AGPAT4: variants seen among roughly 807,000 people sequenced by gnomAD.
AGPAT4 encodes 1-acylglycerol-3-phosphate O-acyltransferase 4.
In AGPAT4, 15 loss-of-function variants were observed where a neutral mutation model predicts 48.0. The ratio of observed to expected loss-of-function variants is 0.31; its 90% CI spans 0.21 to 0.48. The LOEUF is 0.48. Among genes scored for constraint, AGPAT4 ranks in the 20% least tolerant of loss-of-function variants. The pLI is 0.99. For missense variants in AGPAT4, 314 were observed against 482.5 expected (o/e 0.65, Z 3.27); for synonymous variants, 178 against 198.7 (o/e 0.90, Z 0.88).
Position 161,142,661 on chromosome 6 carries a change from C to T in AGPAT4, c.844-3041G>A, listed in dbSNP as rs1237009792. 1.2e-4 allele frequency among the ~76,000 whole-genome samples: 18 copies of T among 152,052 alleles called. No individual in the cohort carries two copies. Among genetic ancestry groups the T allele is most frequent in the East Asian group, 3.9e-4 (2 of 5,178 alleles). ...GGAGAAGAAAGAAGGGAGAAAAGAA[C>T]GGGAGGAAGAACAGGAAAGAACGAA... On this transcript the variant is annotated intron_variant, in intron 7 of 8. Coordinates refer to ENST00000320285, the MANE Select transcript of AGPAT4 (RefSeq NM_020133.3). The surrounding 1 kb of genome is among the most constrained non-coding windows in gnomAD (Gnocchi z 6.4).
rs1195252549 is a variant in AGPAT4 at position 161,141,262 on chromosome 6, T to G, written c.844-1642A>C. ...TCCGAAGCGTCACTTGTCGCGTGAC[T>G]CTGCTGTTGGACATCAGCCAAGAGA... On this transcript the variant is annotated intron_variant, in intron 7 of 8. Coordinates refer to ENST00000320285, the MANE Select transcript of AGPAT4 (RefSeq NM_020133.3). This position sits in a 1 kb window ranked among gnomAD's most constrained non-coding sequence, Gnocchi z 6.7. Among the ~76,000 whole-genome samples the G allele has an allele frequency of 6.6e-6, 1 of 152,124 alleles. No individual in the cohort carries two copies. Among genetic ancestry groups the G allele is most frequent in the Non-Finnish European group, 1.5e-5 (1 of 68,036 alleles).
intron 1 of AGPAT4, among the ~76,000 whole-genome samples, chr6:161,257,499 T>A (rs931496915): frequency 1.3e-5 from 2 of 152,170 alleles, no homozygotes; most frequent in African/African-American, 4.8e-5. Flanking sequence ...ATTTTGGTGA[T>A]GGTTACACAA....
rs1345528397 is a variant in AGPAT4 at position 161,254,408 on chromosome 6, G to T, written c.-90+19530C>A. On this transcript the variant is annotated intron_variant, in intron 1 of 8. Coordinates refer to ENST00000320285, the MANE Select transcript of AGPAT4 (RefSeq NM_020133.3). This position sits in a 1 kb window ranked among gnomAD's most constrained non-coding sequence, Gnocchi z 5.9. The stretch of plus-strand genomic sequence containing the variant: ...AGCCTAACTGATAACACTATTGAGG[G>T]CATAAAGTAAGATGAACAATTAGAA... 6.6e-6 allele frequency among the ~76,000 whole-genome samples: 1 copy of T among 152,116 alleles called. No individual in the cohort carries two copies. Among genetic ancestry groups the T allele is most frequent in the East Asian group, 1.9e-4 (1 of 5,194 alleles).
At position 161,132,605 on chromosome 6, in the gene AGPAT4, G is replaced by A. The variant is rs1778936524; in HGVS notation, c.*3935C>T. 6.6e-6 allele frequency: 1 copy of A among 152,312 alleles called. No homozygotes were observed. The highest frequency in any genetic ancestry group is 2.4e-5 in the African/African-American group (1 of 41,476). 9.4% of individuals were successfully genotyped at this position (152,312 alleles called of 1,614,324 possible). A position where few individuals can be genotyped will look rare whatever the true frequency, so the allele number is the denominator to read the frequency against. ...TCTGCCCCGTGCCAAGGCGTGACTA[G>A]GACCAGAAGAATCAGAAAGCATGGT... On this transcript the variant is annotated 3_prime_UTR_variant, in exon 9 of 9. Transcript: ENST00000320285.
At position 161,267,722 on chromosome 6, in the gene AGPAT4, C is replaced by CA. The variant is rs113251358; in HGVS notation, c.-90+6215dup. The stretch of plus-strand genomic sequence containing the variant: ...GGGCAACAAGAACAAAACTCTGTCT[C>CA]AAAAAAAAAAAGAAAAGAAAAATAT... On this transcript the variant is annotated intron_variant, in intron 1 of 8. Coordinates refer to ENST00000320285, the MANE Select transcript of AGPAT4 (RefSeq NM_020133.3). This position sits in a 1 kb window ranked among gnomAD's most constrained non-coding sequence, Gnocchi z 5.2. Among the ~76,000 whole-genome samples, 198 of 139,338 alleles carry CA rather than the reference C, an allele frequency of 1.4e-3. No homozygotes were observed. Among genetic ancestry groups the CA allele is most frequent in the South Asian group, 4.6e-3 (20 of 4,364 alleles). 91.4% of individuals were successfully genotyped at this position (139,338 alleles called of 152,430 possible).
chr6:161,192,442 C>T (rs955024367), intron 2 of AGPAT4, among the ~76,000 whole-genome samples: 1 of 152,174 alleles, frequency 6.6e-6, no homozygotes, highest in Non-Finnish European at 1.5e-5. Flanking sequence ...TGAGCCACTG[C>T]ACCTGGCTGG....
chr6:161,135,716 G>T lies in AGPAT4; in HGVS notation c.*824C>A, dbSNP rs991015390. The T allele has an allele frequency of 6.6e-6, 1 of 152,284 alleles. No individual in the cohort carries two copies. The highest frequency in any genetic ancestry group is 2.4e-5 in the African/African-American group (1 of 41,458). The allele number at this position is 152,284 out of a possible 1,614,324, so 9.4% of individuals were successfully genotyped here. On this transcript the variant is annotated 3_prime_UTR_variant, in exon 9 of 9. Transcript: ENST00000320285. ...TCACAAATCACTGCAGAATGCCCAG[G>T]CTGTACGTTCATGATGTTTGTGTTC... is the stretch of plus-strand genomic sequence containing the variant.
chr6:161,256,740 A>C (rs2114742887), intron 1 of AGPAT4, among the ~76,000 whole-genome samples: 1 of 152,356 alleles, frequency 6.6e-6, no homozygotes, highest in Non-Finnish European at 1.5e-5. Context: ...GATTGCCAAA[A>C]GCTTCATTAA....
rs1000902863 is a variant in AGPAT4 at position 161,216,069 on chromosome 6, T to C, written c.178+15967A>G. On this transcript the variant is annotated intron_variant, in intron 2 of 8. Transcript: ENST00000320285. The surrounding 1 kb of genome is among the most constrained non-coding windows in gnomAD (Gnocchi z 4.8). ...TTAAAGAAAACAAACAAAAAATACCTTTCAGCTAAAGCCAGATTTGTGAGG... is the reference window on the plus strand; with the variant it reads ...TTAAAGAAAACAAACAAAAAATACCCTTCAGCTAAAGCCAGATTTGTGAGG... Among the ~76,000 whole-genome samples the C allele has an allele frequency of 6.6e-6, 1 of 152,202 alleles. No homozygotes were observed. Among genetic ancestry groups the C allele is most frequent in the African/African-American group, 2.4e-5 (1 of 41,444 alleles).
Position 161,204,203 on chromosome 6 carries a change from TAAGTGTAC to T in AGPAT4, c.178+27825_178+27832del. On this transcript the variant is annotated intron_variant, in intron 2 of 8. Transcript: ENST00000320285. The surrounding 1 kb of genome is among the most constrained non-coding windows in gnomAD (Gnocchi z 4.4). The stretch of plus-strand genomic sequence containing the variant: ...TGAATGCATTTAAACTTCTCATTAG[TAAGTGTAC>T]ATAAAAGGGATTTGTGTGTTTATTA... Among the ~76,000 whole-genome samples, 3 of 152,344 alleles carry T rather than the reference TAAGTGTAC, an allele frequency of 2.0e-5. No homozygotes were observed. Among genetic ancestry groups the T allele is most frequent in the East Asian group, 3.9e-4 (2 of 5,182 alleles).
chr6:161,200,648 C>G lies in AGPAT4; in HGVS notation c.178+31388G>C, dbSNP rs1781214803. 6.6e-6 allele frequency among the ~76,000 whole-genome samples: 1 copy of G among 152,186 alleles called. No individual in the cohort carries two copies. The highest frequency in any genetic ancestry group is 1.5e-5 in the Non-Finnish European group (1 of 68,036). Reference sequence around the variant, plus strand: ...TTCTTTTCTTCAATAATCATATTTACTATGTTGACTAGGGACACCATAGGT... The same window carrying G: ...TTCTTTTCTTCAATAATCATATTTAGTATGTTGACTAGGGACACCATAGGT... On this transcript the variant is annotated intron_variant, in intron 2 of 8. Coordinates refer to ENST00000320285, the MANE Select transcript of AGPAT4 (RefSeq NM_020133.3). The surrounding 1 kb of genome is among the most constrained non-coding windows in gnomAD (Gnocchi z 5.5).
intron 2 of AGPAT4, among the ~76,000 whole-genome samples, chr6:161,168,811 G>A (rs183204449): frequency 1.4e-3 from 214 of 152,298 alleles, no homozygotes; most frequent in Non-Finnish European, 2.0e-3. Context: ...TTGTCTTCAT[G>A]GATTTGGGAG....
intron 1 of AGPAT4, among the ~76,000 whole-genome samples, chr6:161,271,097 T>C (rs753488436): frequency 6.6e-6 from 1 of 152,204 alleles, no homozygotes; most frequent in South Asian, 2.1e-4. Flanking sequence ...CTTTTTCTGA[T>C]TAAGAAAAAC....
rs776260332 is a variant in AGPAT4, at chr6:161,197,482, G to A, written c.179-31065C>T. ...TTCCACAGTGATAGCTGCCTCTTCCGACTCCCAAATGCTCCCAATGCACCC... is the reference window on the plus strand; with the variant it reads ...TTCCACAGTGATAGCTGCCTCTTCCAACTCCCAAATGCTCCCAATGCACCC... On this transcript the variant is annotated intron_variant, in intron 2 of 8. Coordinates refer to ENST00000320285, the MANE Select transcript of AGPAT4 (RefSeq NM_020133.3). The surrounding 1 kb of genome is among the most constrained non-coding windows in gnomAD (Gnocchi z 5.7). Among the ~76,000 whole-genome samples, 2 of 152,128 alleles carry A rather than the reference G, an allele frequency of 1.3e-5. No individual in the cohort carries two copies. Among genetic ancestry groups the A allele is most frequent in the Non-Finnish European group, 2.9e-5 (2 of 68,012 alleles).
intron 1 of AGPAT4, among the ~76,000 whole-genome samples, chr6:161,237,050 C>A (rs1782302744): frequency 1.3e-5 from 2 of 152,088 alleles, no homozygotes; most frequent in African/African-American, 4.8e-5. Context: ...AGGAAAAATG[C>A]CAGGAAACCA....
At position 161,234,802 on chromosome 6, in the gene AGPAT4, A is replaced by C. The variant is rs1472585608; in HGVS notation, c.-89-2500T>G. Among the ~76,000 whole-genome samples the C allele has an allele frequency of 1.3e-5, 2 of 152,112 alleles. No individual in the cohort carries two copies. The highest frequency in any genetic ancestry group is 2.9e-5 in the Non-Finnish European group (2 of 68,034). On this transcript the variant is annotated intron_variant, in intron 1 of 8. Coordinates refer to ENST00000320285, the MANE Select transcript of AGPAT4 (RefSeq NM_020133.3). The surrounding 1 kb of genome is among the most constrained non-coding windows in gnomAD (Gnocchi z 4.4). ...GAAAAGGAAGCCAGCTGACATCGGA[A>C]ATGCAGGGGGTTAAATGCTGCCTTC... is the stretch of plus-strand genomic sequence containing the variant.
At chr6:161,230,585 C>G (rs1378455770) in intron 2 of AGPAT4, among the ~76,000 whole-genome samples, 1 of 152,208 alleles carries the variant, frequency 6.6e-6, no homozygotes, top group Non-Finnish European at 1.5e-5. Flanking sequence ...CAAATCATCT[C>G]CTACTGTCTC....
rs1470354989 is a variant in AGPAT4, at chr6:161,216,962, AC to A, written c.178+15073del. Reference sequence around the variant, plus strand: ...TAATCCCTGCTTCTGTCTTAATTTGACTTTCCCCTCACACGTGGCTCTGATT... The same window carrying A: ...TAATCCCTGCTTCTGTCTTAATTTGATTTCCCCTCACACGTGGCTCTGATT... On this transcript the variant is annotated intron_variant, in intron 2 of 8. Transcript: ENST00000320285. The surrounding 1 kb of genome is among the most constrained non-coding windows in gnomAD (Gnocchi z 4.8). Among the ~76,000 whole-genome samples the A allele has an allele frequency of 1.3e-5, 2 of 152,122 alleles. No homozygotes were observed. Among genetic ancestry groups the A allele is most frequent in the East Asian group, 3.9e-4 (2 of 5,194 alleles).
intron 5 of AGPAT4, among the ~76,000 whole-genome samples, chr6:161,150,254 C>T (rs553526418): frequency 5.2e-4 from 79 of 152,268 alleles, no homozygotes; most frequent in Non-Finnish European, 8.5e-4. Flanking sequence ...GTAGGAGGAA[C>T]GGGTGGGAAC....
Sources: gnomAD v4.1 joint callset for allele counts (sites outside exome capture counted in the v4.1 genomes callset) on GRCh38, gnomAD v4.1.1 for gene constraint, Gnocchi (gnomAD v3.1) non-coding constraint, MANE v1.5 for transcripts, NCBI Gene and HGNC (gene_info 2026-07-23, HGNC 2026-07-21) for gene names.